Variants in ZFYVE16 observed in about 807,000 individuals in gnomAD.
ZFYVE16 encodes zinc finger FYVE domain-containing protein 16.
In ZFYVE16, 89 loss-of-function variants were observed where a neutral mutation model predicts 138.1. The ratio of observed to expected loss-of-function variants is 0.64; its 90% CI spans 0.54 to 0.77. The LOEUF is 0.77. Ranked by LOEUF, ZFYVE16 falls within the 30% of genes least tolerant of loss-of-function variation. The pLI, the probability that ZFYVE16 is intolerant of heterozygous loss-of-function variation, is 0.00. For synonymous variants in ZFYVE16, 596 were observed against 618.3 expected, an observed-to-expected ratio of 0.96 and a Z score of 0.53; for missense variants, 1,793 against 1,786.7, an observed-to-expected ratio of 1.00 and a Z score of -0.06.
chr5:80,440,138 G>A, intron 5 of ZFYVE16, 106 bp downstream of exon 5: 2 of 1,384,290 alleles, frequency 1.4e-6, no homozygotes, highest in Non-Finnish European at 1.9e-6. Context: ...CAAGGACCTA[G>A]TGTTGAATTA....
chr5:80,469,385 C>T (rs1410548001), intron 15 of ZFYVE16, among the ~76,000 whole-genome samples: 1 of 151,642 alleles, frequency 6.6e-6, no homozygotes, highest in East Asian at 1.9e-4. Context: ...GGACTACAAG[C>T]ACATGCCACC....
intron 15 of ZFYVE16, among the ~76,000 whole-genome samples, chr5:80,461,182 G>A (rs1753067578): frequency 6.6e-6 from 1 of 152,098 alleles, no homozygotes; most frequent in Admixed American, 6.6e-5. Context: ...AATTTCAGAT[G>A]CTCAGCTGCT....
chr5:80,422,417 T>A (rs1747348775), intron 1 of ZFYVE16, among the ~76,000 whole-genome samples: 1 of 152,174 alleles, frequency 6.6e-6, no homozygotes, highest in African/African-American at 2.4e-5. Context: ...ACTCATAGTT[T>A]GCTAAGAGTT....
At chr5:80,429,036 G>GAT (rs1472685614) in intron 2 of ZFYVE16, among the ~76,000 whole-genome samples, 2 of 152,166 alleles carry the variant, frequency 1.3e-5, no homozygotes, top group Non-Finnish European at 2.9e-5. Context: ...CACTCTTCAG[G>GAT]ATATTATTCA....
chr5:80,445,205 C>A, intron 6 of ZFYVE16, 58 bp from the exon 7 acceptor site: 1 of 1,571,094 alleles, frequency 6.4e-7, no homozygotes, highest in Non-Finnish European at 8.7e-7. Flanking sequence ...ATCTTTTTGG[C>A]ATTAAATCAT....
At chr5:80,426,246 G>C (rs1347019251) in intron 1 of ZFYVE16, among the ~76,000 whole-genome samples, 2 of 59,100 alleles carry the variant, frequency 3.4e-5, no homozygotes, top group Non-Finnish European at 7.7e-5. Context: ...GTGTGTCTGT[G>C]TGTGTGTGTG....
chr5:80,452,067 A>AC, intron 11 of ZFYVE16: 1 of 176,056 alleles, frequency 5.7e-6, no homozygotes, highest in South Asian at 1.4e-4. Context: ...CAGAGTACAT[A>AC]CCAGTTGAGC....
chr5:80,459,287 C>T, intron 14 of ZFYVE16, 127 bp from the exon 15 acceptor site: 1 of 601,674 alleles, frequency 1.7e-6, no homozygotes. Context: ...AATTAGTTTT[C>T]TAGTTTAAGT....
rs750584536 is a variant in ZFYVE16, at chr5:80,443,139, G to A, written c.2436G>A (p.Arg812=). ...ETISKAQAFE[R]MMSPTGSNLK... Reference sequence around the variant, plus strand: ...CCTTTATAGCTCAGGCATTTGAAAGGATGATGAGTCCAACTGGTTCTAATC... The same window carrying A: ...CCTTTATAGCTCAGGCATTTGAAAGAATGATGAGTCCAACTGGTTCTAATC... Residue 812 remains arginine, a synonymous_variant, in exon 6 of 19, where the codon AGG becomes AGA. Transcript: ENST00000505560. 1 of 1,558,664 alleles carries A rather than the reference G, an allele frequency of 6.4e-7. No homozygotes were observed. The highest frequency in any genetic ancestry group is 8.6e-7 in the Non-Finnish European group (1 of 1,163,530).
intron 15 of ZFYVE16, among the ~76,000 whole-genome samples, chr5:80,472,018 ACCAAATT>A (rs1754433163): frequency 6.6e-6 from 1 of 151,968 alleles, no homozygotes; most frequent in Non-Finnish European, 1.5e-5. Context: ...GGTCCACATG[ACCAAATT>A]CCCCAACATT....
chr5:80,480,441 AC>A lies in ZFYVE16; in HGVS notation c.*3065del, dbSNP rs1361581567. 6.6e-6 allele frequency among the ~76,000 whole-genome samples: 1 copy of A among 151,506 alleles called. No individual in the cohort carries two copies. Among genetic ancestry groups the A allele is most frequent in the East Asian group, 1.9e-4 (1 of 5,154 alleles). On this transcript the variant is annotated 3_prime_UTR_variant, in exon 19 of 19. Coordinates refer to ENST00000505560, the MANE Select transcript of ZFYVE16 (RefSeq NM_001284236.3). Reference sequence around the variant, plus strand: ...ATGGGAGAAACAGCTGGAAAAAAAAACAGAAGACCTGTAGAGAATACAGTGA... The same window carrying A: ...ATGGGAGAAACAGCTGGAAAAAAAAAAGAAGACCTGTAGAGAATACAGTGA...
At chr5:80,428,031 C>A (rs1009795684) in intron 2 of ZFYVE16, among the ~76,000 whole-genome samples, 6 of 146,630 alleles carry the variant, frequency 4.1e-5, no homozygotes, top group African/African-American at 1.5e-4. Flanking sequence ...AGGAACAGCT[C>A]CAGTCTACAG....
chr5:80,456,774 G>C (rs1561311033), intron 13 of ZFYVE16, among the ~76,000 whole-genome samples, 171 bp from the exon 14 acceptor site: 1 of 152,022 alleles, frequency 6.6e-6, no homozygotes, highest in East Asian at 1.9e-4. Flanking sequence ...GGTGATTACT[G>C]TTCAACTGAA....
intron 11 of ZFYVE16, among the ~76,000 whole-genome samples, chr5:80,452,881 G>C (rs2112461751): frequency 6.6e-6 from 1 of 152,226 alleles, no homozygotes. Flanking sequence ...TAAAGCTGCT[G>C]TGATGTTTAT....
chr5:80,407,912 C>G (rs1244700925), upstream of ZFYVE16: 1 of 152,398 alleles, frequency 6.6e-6, no homozygotes, highest in Non-Finnish European at 1.5e-5. Context: ...GGCTCGGAAC[C>G]TGCGTCGTAG....
chr5:80,465,542 A>G (rs1307121594), intron 15 of ZFYVE16, among the ~76,000 whole-genome samples: 1 of 150,648 alleles, frequency 6.6e-6, no homozygotes, highest in Non-Finnish European at 1.5e-5. Flanking sequence ...AGTAGCTGGA[A>G]CTACAGACAT....
intron 2 of ZFYVE16, among the ~76,000 whole-genome samples, chr5:80,430,614 C>T (rs1748854035): frequency 6.6e-6 from 1 of 151,926 alleles, no homozygotes; most frequent in African/African-American, 2.4e-5. Context: ...GAGATAGAGA[C>T]ACAAAAAACC....
intron 5 of ZFYVE16, 185 bp downstream of exon 5, chr5:80,440,217 A>G: frequency 3.3e-6 from 4 of 1,206,188 alleles, no homozygotes; most frequent in Non-Finnish European, 4.1e-6. Context: ...AATTAATACT[A>G]CCAATCTGGA....
chr5:80,435,222 A>G (rs931821799), intron 3 of ZFYVE16, among the ~76,000 whole-genome samples: 1 of 151,912 alleles, frequency 6.6e-6, no homozygotes, highest in Non-Finnish European at 1.5e-5. Flanking sequence ...TTTAGTAGAA[A>G]CGGGGTTTCA....
Sources: gnomAD v4.1 joint callset for allele counts (sites outside exome capture counted in the v4.1 genomes callset) on GRCh38, gnomAD v4.1.1 for gene constraint, MANE v1.5 for transcripts, NCBI Gene and HGNC (gene_info 2026-07-23, HGNC 2026-07-21) for gene names.